The following SMG1 variants were observed in gnomAD, a reference collection of about 807,000 sequenced individuals.
The protein encoded by SMG1 is serine/threonine-protein kinase SMG1.
Under a neutral mutation model 419.9 loss-of-function variants are expected in SMG1, and 22 were observed. The ratio of observed to expected loss-of-function variants is 0.05; its 90% CI spans 0.04 to 0.07. The LOEUF (loss-of-function observed/expected upper bound fraction) is 0.07. Among genes scored for constraint, SMG1 ranks in the 10% least tolerant of loss-of-function variants. The pLI is 1.00. For missense variants in SMG1, 3,185 were observed against 4,342.0 expected (o/e 0.73, Z 7.49); for synonymous variants, 1,538 against 1,553.5 (o/e 0.99, Z 0.23).
intron 56 of SMG1, 76 bp downstream of exon 56, chr16:18,819,426 C>G (rs1294313290): frequency 3.0e-5 from 45 of 1,495,938 alleles, no homozygotes; most frequent in Non-Finnish European, 3.7e-5. Context: ...CCCCTAGTTA[C>G]CCCACATATA....
At chr16:18,907,579 G>A (rs1354574515) in intron 1 of SMG1, among the ~76,000 whole-genome samples, 15 of 152,094 alleles carry the variant, frequency 9.9e-5, no homozygotes. Flanking sequence ...GCTGGGCACA[G>A]TGGCTCTCGC....
At chr16:18,915,636 A>G (rs1041525966) in intron 1 of SMG1, among the ~76,000 whole-genome samples, 4 of 152,130 alleles carry the variant, frequency 2.6e-5, no homozygotes, top group Non-Finnish European at 5.9e-5. Context: ...TGGCACACAT[A>G]AAAATTCCAG....
At position 18,816,178 on chromosome 16, in the gene SMG1, A is replaced by G. The variant is rs2141111661; in HGVS notation, c.10302+124T>C. 6.5e-6 allele frequency: 5 copies of G among 775,120 alleles called. No homozygotes were observed. In the East Asian group the frequency reaches 1.3e-4, roughly 21 times the overall value. 48.0% of individuals were successfully genotyped at this position (775,120 alleles called of 1,614,324 possible). ...ACACAAGTTAACTCAGTTACAAACAAATTGGAAGATGTGATGAGATAAATT... is the reference window on the plus strand; with the variant it reads ...ACACAAGTTAACTCAGTTACAAACAGATTGGAAGATGTGATGAGATAAATT... On this transcript the variant is annotated intron_variant, in intron 58 of 62. Transcript: ENST00000446231.
intron 16 of SMG1, 87 bp from the exon 17 acceptor site, chr16:18,870,975 A>G: frequency 1.4e-6 from 1 of 733,054 alleles, no homozygotes; most frequent in Non-Finnish European, 2.3e-6. Context: ...CCATTCATTC[A>G]TTCAACAAAG....
intron 54 of SMG1, among the ~76,000 whole-genome samples, chr16:18,828,586 A>C (rs373211072): frequency 1.8e-4 from 27 of 152,364 alleles, no homozygotes; most frequent in African/African-American, 5.0e-4. Flanking sequence ...CCATTTCCAA[A>C]ATAAAGACAG....
intron 51 of SMG1, among the ~76,000 whole-genome samples, chr16:18,831,114 G>T (rs1196640132): frequency 6.6e-6 from 1 of 152,106 alleles, no homozygotes; most frequent in Non-Finnish European, 1.5e-5. Context: ...CATTTTGAAT[G>T]TAAGGTCTTC....
chr16:18,910,097 A>C lies in SMG1; in HGVS notation c.93-13141T>G, dbSNP rs957238577. On this transcript the variant is annotated intron_variant, in intron 1 of 62. Coordinates refer to ENST00000446231, the MANE Select transcript of SMG1 (RefSeq NM_015092.5). ...GTACTACAATTTCAAATAGTACCAG[A>C]ATCTTTTTTTTTTTTCTTTGAGACA... 2.1e-4 allele frequency among the ~76,000 whole-genome samples: 32 copies of C among 151,068 alleles called. 1 individual carries two copies. Among genetic ancestry groups the C allele is most frequent in the Non-Finnish European group, 4.1e-4 (28 of 67,782 alleles).
At chr16:18,817,127 G>A (rs1356301890) in intron 57 of SMG1, among the ~76,000 whole-genome samples, 164 bp downstream of exon 57, 1 of 71,990 alleles carries the variant, frequency 1.4e-5, no homozygotes, top group African/African-American at 5.8e-5. Context: ...GCGGGGGGGG[G>A]GGCGCTAAGA....
At chr16:18,813,518 T>G (rs1016811679) in intron 60 of SMG1, among the ~76,000 whole-genome samples, 4 of 152,230 alleles carry the variant, frequency 2.6e-5, no homozygotes, top group African/African-American at 9.6e-5. Context: ...GATGGGGTTG[T>G]TTTTTTCTTG....
rs1388688677 is a variant in SMG1, at chr16:18,842,190, G to A, written c.6466+18C>T. The stretch of plus-strand genomic sequence containing the variant: ...GACTAATACTCTTCTGAAAAATGGA[G>A]GAAGTCTTAAATCCTACCTTTGAAA... On this transcript the variant is annotated intron_variant, in intron 40 of 62. Coordinates refer to ENST00000446231, the MANE Select transcript of SMG1 (RefSeq NM_015092.5). 1 of 1,601,626 alleles carries A rather than the reference G, an allele frequency of 6.2e-7. No homozygotes were observed. The highest frequency in any genetic ancestry group is 1.7e-5 in the Admixed American group (1 of 57,676).
At chr16:18,875,987 A>G in intron 13 of SMG1, 137 bp downstream of exon 13, 1 of 871,440 alleles carries the variant, frequency 1.1e-6, no homozygotes, top group Non-Finnish European at 1.8e-6. Context: ...TTATTTATCC[A>G]GGCATGTCTT....
chr16:18,885,798 G>T, intron 6 of SMG1, 132 bp from the exon 7 acceptor site: 89 of 704,676 alleles, frequency 1.3e-4, no homozygotes, highest in Middle Eastern at 4.7e-4. Context: ...TGTAGTTTTA[G>T]TTAAAAAAAA....
At chr16:18,859,847 G>A (rs1421131983) in intron 26 of SMG1, 144 bp from the exon 27 acceptor site, 3 of 561,382 alleles carry the variant, frequency 5.3e-6, no homozygotes, top group African/African-American at 1.9e-5. Context: ...ATTACTGAGA[G>A]CTATATAAAA....
rs779848368 is a variant in SMG1, at chr16:18,853,649, G to C, written c.4702C>G (p.Leu1568Val). The change falls in exon 31 of 63, where the codon CTA (leucine) becomes GTA (valine). Residue 1568 changes from leucine (L) to valine (V), a missense_variant. Coordinates refer to ENST00000446231, the MANE Select transcript of SMG1 (RefSeq NM_015092.5). ...LSTLSKNILT[L>V]IELPSVNTME... ...GTATTAACAGATGGCAGTTCTATTAGAGTGAGTATGTTTTTAGACAAAGTA... is the reference window on the plus strand; with the variant it reads ...GTATTAACAGATGGCAGTTCTATTACAGTGAGTATGTTTTTAGACAAAGTA... 2 of 1,611,750 alleles carry C rather than the reference G, an allele frequency of 1.2e-6. No individual in the cohort carries two copies. Among genetic ancestry groups the C allele is most frequent in the Non-Finnish European group, 1.7e-6 (2 of 1,178,718 alleles).
At chr16:18,917,135 C>T (rs914996825) in intron 1 of SMG1, among the ~76,000 whole-genome samples, 12 of 151,364 alleles carry the variant, frequency 7.9e-5, no homozygotes, top group African/African-American at 2.9e-4. Flanking sequence ...ACACTTTTAC[C>T]TTAATTAATT....
intron 1 of SMG1, among the ~76,000 whole-genome samples, chr16:18,923,312 A>C (rs994778779): frequency 2.0e-5 from 3 of 152,140 alleles, no homozygotes; most frequent in Non-Finnish European, 4.4e-5. Context: ...CCAACTGGCA[A>C]ACTAACACTA....
In SMG1 at chr16:18,845,554, C is replaced by T; in HGVS notation, c.6094G>A (p.Ala2032Thr). ...EHVRSITAAP[A>T]ETPHEKWFQD... ...AACCATTTTTCATGAGGTGTTTCTG[C>T]AGGAGCCGCTGTGATACTCCTCACA... is the stretch of plus-strand genomic sequence containing the variant. Residue 2032 changes from alanine (A) to threonine (T), a missense_variant, in exon 39 of 63, where the codon GCA (alanine) becomes ACA (threonine). Ala to Thr is a moderately conservative substitution (Grantham distance 58). Coordinates refer to ENST00000446231, the MANE Select transcript of SMG1 (RefSeq NM_015092.5). 5.6e-6 allele frequency: 9 copies of T among 1,613,936 alleles called. No homozygotes were observed. The highest frequency in any genetic ancestry group is 2.2e-5 in the East Asian group (1 of 44,886).
chr16:18,912,403 A>G (rs1258797100), intron 1 of SMG1, among the ~76,000 whole-genome samples: 1 of 152,052 alleles, frequency 6.6e-6, no homozygotes, highest in East Asian at 1.9e-4. Flanking sequence ...AAGTAAGGTG[A>G]TAGTATGTTA....
chr16:18,830,175 C>G, intron 52 of SMG1, 44 bp downstream of exon 52: 1 of 1,610,526 alleles, frequency 6.2e-7, no homozygotes, highest in Non-Finnish European at 8.5e-7. Flanking sequence ...TGAACAACTA[C>G]TTTATGGCAC....
Sources: gnomAD v4.1 joint callset for allele counts (sites outside exome capture counted in the v4.1 genomes callset) on GRCh38, gnomAD v4.1.1 for gene constraint, MANE v1.5 for transcripts, NCBI Gene and HGNC (gene_info 2026-07-23, HGNC 2026-07-21) for gene names.